Variants in CNTN6 observed in about 807,000 individuals in gnomAD.
The protein encoded by CNTN6 is contactin-6.
CNTN6 carries 137 observed loss-of-function variants against 122.8 expected under a neutral mutation model. The observed-to-expected ratio is 1.12, with a 90% CI of 0.97 to 1.29. The LOEUF (loss-of-function observed/expected upper bound fraction) is 1.29, where lower values mean the gene tolerates loss of function less well. Among genes scored for constraint, CNTN6 ranks in the 50% most tolerant of loss-of-function variants. CNTN6 has a pLI of 0.00. For missense variants in CNTN6, 1,634 were observed against 1,223.4 expected (o/e 1.34, Z -5.01); for synonymous variants, 570 against 426.0 (o/e 1.34, Z -4.16).
At chr3:1,398,809 G>C (rs1695298315) in intron 20 of CNTN6, among the ~76,000 whole-genome samples, 1 of 152,068 alleles carries the variant, frequency 6.6e-6, no homozygotes, top group African/African-American at 2.4e-5. Context: ...CTCCCAGAGA[G>C]CAAGAGAAGT....
At chr3:1,143,038 C>A in intron 1 of CNTN6, among the ~76,000 whole-genome samples, 1 of 61,774 alleles carries the variant, frequency 1.6e-5, no homozygotes, top group Non-Finnish European at 3.2e-5. Context: ...TTATCATCAA[C>A]CAACATCTCT....
chr3:1,397,789 T>G (rs1576101344), intron 20 of CNTN6, among the ~76,000 whole-genome samples: 1 of 152,176 alleles, frequency 6.6e-6, no homozygotes, highest in African/African-American at 2.4e-5. Flanking sequence ...CAATCCATAT[T>G]TAAACATAAA....
At chr3:1,215,080 T>C (rs753544517) in intron 2 of CNTN6, among the ~76,000 whole-genome samples, 12 of 152,230 alleles carry the variant, frequency 7.9e-5, no homozygotes, top group Admixed American at 3.9e-4. Context: ...CTTAGCTTGC[T>C]ATTTCTGTCC....
chr3:1,165,897 C>T (rs2093237256), intron 2 of CNTN6, among the ~76,000 whole-genome samples: 1 of 152,168 alleles, frequency 6.6e-6, no homozygotes, highest in African/African-American at 2.4e-5. Flanking sequence ...AGTGCCTGAT[C>T]CCTCTGAACA....
At chr3:1,315,303 CAG>C (rs1380645683) in intron 7 of CNTN6, among the ~76,000 whole-genome samples, 4 of 151,972 alleles carry the variant, frequency 2.6e-5, no homozygotes, top group East Asian at 1.9e-4. Context: ...ACAAACTACA[CAG>C]AGTCTAAAAA....
At chr3:1,255,227 G>C (rs1050450228) in intron 4 of CNTN6, among the ~76,000 whole-genome samples, 1 of 152,088 alleles carries the variant, frequency 6.6e-6, no homozygotes, top group Non-Finnish European at 1.5e-5. Context: ...AATGGTGAAA[G>C]AGACTATGCC....
chr3:1,291,127 C>A (rs539818535), intron 5 of CNTN6, among the ~76,000 whole-genome samples: 1 of 152,180 alleles, frequency 6.6e-6, no homozygotes, highest in Non-Finnish European at 1.5e-5. Context: ...GCTCCTCCCA[C>A]ATGTTATGAA....
chr3:1,310,304 G>A (rs1699028652), intron 7 of CNTN6, among the ~76,000 whole-genome samples: 1 of 152,084 alleles, frequency 6.6e-6, no homozygotes, highest in South Asian at 2.1e-4. Context: ...TCCATTCCTA[G>A]TTCATTGAGA....
intron 1 of CNTN6, among the ~76,000 whole-genome samples, chr3:1,094,027 A>G (rs2090385738): frequency 6.6e-6 from 1 of 152,240 alleles, no homozygotes; most frequent in Admixed American, 6.5e-5. Context: ...AATAGAGTGA[A>G]CAGTAGAATC....
At chr3:1,287,471 GA>G (rs1023593459) in intron 5 of CNTN6, among the ~76,000 whole-genome samples, 8 of 152,274 alleles carry the variant, frequency 5.3e-5, no homozygotes, top group African/African-American at 1.4e-4. Flanking sequence ...AAATTGGGAA[GA>G]AAAAGAGAAG....
At chr3:1,269,404 G>T (rs899078946) in intron 4 of CNTN6, among the ~76,000 whole-genome samples, 1 of 152,148 alleles carries the variant, frequency 6.6e-6, no homozygotes, top group African/African-American at 2.4e-5. Context: ...CCAAAGGCCA[G>T]TTGCCTTTTA....
intron 1 of CNTN6, among the ~76,000 whole-genome samples, chr3:1,131,182 C>T (rs2092326452): frequency 6.6e-6 from 1 of 152,028 alleles, no homozygotes; most frequent in South Asian, 2.1e-4. Context: ...GGTAGGTCTG[C>T]AGGGCACACC....
chr3:1,240,755 G>A (rs2094472461), intron 4 of CNTN6, among the ~76,000 whole-genome samples: 2 of 152,010 alleles, frequency 1.3e-5, no homozygotes, highest in South Asian at 4.2e-4. Context: ...GTGTCCGTGT[G>A]AAGAGACCAC....
At chr3:1,226,772 T>A (rs1263866659) in intron 3 of CNTN6, among the ~76,000 whole-genome samples, 1 of 152,216 alleles carries the variant, frequency 6.6e-6, no homozygotes, top group Non-Finnish European at 1.5e-5. Flanking sequence ...TATATGTTTT[T>A]CTGTTATTAA....
intron 6 of CNTN6, among the ~76,000 whole-genome samples, chr3:1,296,758 C>G (rs185583626): frequency 6.6e-6 from 1 of 152,218 alleles, no homozygotes; most frequent in Non-Finnish European, 1.5e-5. Context: ...AGACTTATTC[C>G]TAAGTCCAAT....
chr3:1,163,619 T>C (rs1468684180), intron 2 of CNTN6, among the ~76,000 whole-genome samples: 1 of 152,202 alleles, frequency 6.6e-6, no homozygotes. Context: ...GGTTTTGCTA[T>C]GCTGCCCAGG....
intron 1 of CNTN6, among the ~76,000 whole-genome samples, chr3:1,102,975 C>A (rs531096713): frequency 2.7e-5 from 4 of 150,752 alleles, no homozygotes; most frequent in Admixed American, 2.0e-4. Context: ...GGCGTGGTGG[C>A]GGCGCCTGTG....
chr3:1,325,017 A>T (rs1334980163), intron 8 of CNTN6, among the ~76,000 whole-genome samples: 1 of 139,660 alleles, frequency 7.2e-6, no homozygotes, highest in Non-Finnish European at 1.5e-5. Context: ...AAGGAGAGGG[A>T]TTAATTGGCA....
chr3:1,359,978 C>T lies in CNTN6; in HGVS notation c.1492+7527C>T, dbSNP rs893458202. ...AGTCTCCCTTCAATATCAGCCTGCCCTGTGTGTTGACGCTCCATTGCCTAA... is the reference window on the plus strand; with the variant it reads ...AGTCTCCCTTCAATATCAGCCTGCCTTGTGTGTTGACGCTCCATTGCCTAA... On this transcript the variant is annotated intron_variant, in intron 12 of 22. Transcript: ENST00000446702. Among the ~76,000 whole-genome samples, 3 of 152,092 alleles carry T rather than the reference C, an allele frequency of 2.0e-5. No individual in the cohort carries two copies. In the East Asian group the frequency reaches 5.8e-4, roughly 29 times the overall value.
Sources: gnomAD v4.1 joint callset for allele counts (sites outside exome capture counted in the v4.1 genomes callset) on GRCh38, gnomAD v4.1.1 for gene constraint, MANE v1.5 for transcripts, NCBI Gene and HGNC (gene_info 2026-07-23, HGNC 2026-07-21) for gene names.